DHX8: variants seen among roughly 807,000 people sequenced by gnomAD.
DHX8 encodes the protein DEAH-box helicase 8.
In DHX8, 67 loss-of-function variants were observed where a neutral mutation model predicts 140.7. That is an observed-to-expected ratio of 0.48 (90% CI 0.39 to 0.58). The LOEUF is 0.58. DHX8 is among the 20% of genes least tolerant of loss of function. DHX8 has a pLI of 0.00. For missense variants in DHX8, 887 were observed against 1,550.7 expected (o/e 0.57, Z 7.19); for synonymous variants, 533 against 553.2 (o/e 0.96, Z 0.51).
intron 12 of DHX8, among the ~76,000 whole-genome samples, chr17:43,506,445 C>A (rs923220605): frequency 6.6e-6 from 1 of 151,738 alleles, no homozygotes; most frequent in African/African-American, 2.4e-5. Flanking sequence ...ATGGTGAAAC[C>A]CTGTCTCTAC....
Position 43,484,073 on chromosome 17 carries a change from C to A in DHX8, c.36C>A (p.Ile12=). 6.2e-7 allele frequency: 1 copy of A among 1,614,136 alleles called. No homozygotes were observed. The highest frequency in any genetic ancestry group is 8.5e-7 in the Non-Finnish European group (1 of 1,180,022). The change falls in exon 1 of 23, where the codon ATC becomes ATA. Residue 12 remains isoleucine (I), a synonymous_variant. Coordinates refer to ENST00000262415, the MANE Select transcript of DHX8 (RefSeq NM_004941.3). ...AVAVAMAGAL[I]GSEPGPAEEL... ...CTGTAGCCATGGCGGGAGCCTTAATCGGGTCGGAGCCAGGCCCCGCGGAAG... is the reference window on the plus strand; with the variant it reads ...CTGTAGCCATGGCGGGAGCCTTAATAGGGTCGGAGCCAGGCCCCGCGGAAG...
chr17:43,521,297 T>C, intron 20 of DHX8, 72 bp from the exon 21 acceptor site: 1 of 1,288,136 alleles, frequency 7.8e-7, no homozygotes, highest in Non-Finnish European at 1.1e-6. Context: ...CTTGTAGGGC[T>C]CCCTAGAATT....
chr17:43,493,627 C>G, intron 7 of DHX8, 38 bp downstream of exon 7: 3 of 1,614,060 alleles, frequency 1.9e-6, no homozygotes, highest in Non-Finnish European at 2.5e-6. Flanking sequence ...CATGTGATGG[C>G]CAAGGGAATG....
chr17:43,521,129 A>G (rs1171640410), intron 20 of DHX8, among the ~76,000 whole-genome samples: 1 of 151,698 alleles, frequency 6.6e-6, no homozygotes, highest in Non-Finnish European at 1.5e-5. Context: ...TGTGCTGCTA[A>G]TTTTTGTATT....
intron 10 of DHX8, among the ~76,000 whole-genome samples, chr17:43,499,306 CATAGAA>C (rs1331631192): frequency 2.0e-5 from 3 of 152,138 alleles, no homozygotes; most frequent in African/African-American, 7.2e-5. Context: ...GGCTGGCCAC[CATAGAA>C]AGCTGTAGCA....
intron 3 of DHX8, among the ~76,000 whole-genome samples, chr17:43,543,355 A>G (rs1971629240): frequency 6.6e-6 from 1 of 151,568 alleles, no homozygotes; most frequent in South Asian, 2.1e-4. Context: ...TACCCTCTCC[A>G]GACCCCTGGC....
chr17:43,496,231 A>G lies in DHX8; in HGVS notation c.1263A>G (p.Glu421=), dbSNP rs1171855081. ...AAGAAGAATTTCCAGACTTTGATGA[A>G]GAGACTGGCATTCTCCCTAAGGTGG... ...LSKEEFPDFD[E]ETGILPKVDD... Residue 421 remains glutamate (E), a synonymous_variant, in exon 9 of 23, where the codon GAA becomes GAG. Transcript: ENST00000262415. 1 of 1,614,046 alleles carries G rather than the reference A, an allele frequency of 6.2e-7. No individual in the cohort carries two copies. Among genetic ancestry groups the G allele is most frequent in the East Asian group, 2.2e-5 (1 of 44,884 alleles).
At chr17:43,515,564 A>G (rs1274601805) in intron 17 of DHX8, among the ~76,000 whole-genome samples, 2 of 152,154 alleles carry the variant, frequency 1.3e-5, no homozygotes, top group Non-Finnish European at 2.9e-5. Flanking sequence ...CATTGATCCT[A>G]TGTGGTAGAT....
At chr17:43,494,137 G>A (rs1968703817) in intron 8 of DHX8, among the ~76,000 whole-genome samples, 1 of 152,184 alleles carries the variant, frequency 6.6e-6, no homozygotes, top group South Asian at 2.1e-4. Context: ...TCACATGGCA[G>A]TAGACAAGAG....
chr17:43,496,072 TG>T, intron 8 of DHX8, 108 bp from the exon 9 acceptor site: 1 of 778,348 alleles, frequency 1.3e-6, no homozygotes, highest in Non-Finnish European at 2.1e-6. Flanking sequence ...CACTTCAGCC[TG>T]GGTGACAGAG....
chr17:43,529,288 A>C (rs531334240), downstream of DHX8: 33 of 1,575,512 alleles, frequency 2.1e-5, no homozygotes, highest in East Asian at 6.9e-4. Context: ...AGAGGAAAAA[A>C]TGGGGGTAAG....
intron 3 of DHX8, among the ~76,000 whole-genome samples, chr17:43,538,050 A>C (rs998526799): frequency 1.5e-4 from 22 of 151,504 alleles, no homozygotes; most frequent in African/African-American, 5.3e-4. Context: ...CTGAGGCAAG[A>C]GAATGGCGTG....
chr17:43,540,885 T>C (rs2154587240), intron 3 of DHX8, among the ~76,000 whole-genome samples: 1 of 152,204 alleles, frequency 6.6e-6, no homozygotes, highest in South Asian at 2.1e-4. Context: ...GGTGCAGAAC[T>C]CAGGGGTGGC....
intron 16 of DHX8, among the ~76,000 whole-genome samples, chr17:43,512,602 A>G (rs1969904414): frequency 6.6e-6 from 1 of 152,144 alleles, no homozygotes; most frequent in South Asian, 2.1e-4. Flanking sequence ...CCCCTATTCT[A>G]TTCCTAATAA....
rs202172821 is a variant in DHX8 at position 43,489,522 on chromosome 17, T to C, written c.222T>C (p.Gly74=). Residue 74 remains glycine, a synonymous_variant, in exon 2 of 23, where the codon GGT becomes GGC. Coordinates refer to ENST00000262415, the MANE Select transcript of DHX8 (RefSeq NM_004941.3). The part of the protein sequence containing the change: ...DTFKASLVKN[G]AEFTDSLISN... ...TTAAGGCTTCTCTCGTCAAAAATGG[T>C]GCAGAATTTACGGTATGTATATGTG... 62 of 1,607,894 alleles carry C rather than the reference T, an allele frequency of 3.9e-5. No homozygotes were observed. The African/African-American group carries it at 7.9e-4, about 20-fold the overall frequency.
At chr17:43,493,226 A>T (rs900206063) in intron 6 of DHX8, among the ~76,000 whole-genome samples, 186 bp downstream of exon 6, 5 of 152,196 alleles carry the variant, frequency 3.3e-5, no homozygotes, top group African/African-American at 4.8e-5. Context: ...TGTCTTCAGG[A>T]GATCTGTCCT....
intron 11 of DHX8, among the ~76,000 whole-genome samples, chr17:43,503,196 C>T (rs995326704): frequency 6.6e-6 from 1 of 151,774 alleles, no homozygotes; most frequent in African/African-American, 2.4e-5. Flanking sequence ...AACCCTGTCT[C>T]TAAAAAAATA....
At chr17:43,484,990 T>C (rs1410798281) in intron 1 of DHX8, among the ~76,000 whole-genome samples, 1 of 152,150 alleles carries the variant, frequency 6.6e-6, no homozygotes, top group South Asian at 2.1e-4. Context: ...AAACTACATC[T>C]GGGGAGCCGA....
intron 2 of DHX8, chr17:43,532,965 A>G (rs1475222561): frequency 6.5e-7 from 1 of 1,537,924 alleles, no homozygotes; most frequent in Non-Finnish European, 8.7e-7. Flanking sequence ...TGGAGAAGGA[A>G]GAGAAGAGAA....
Sources: allele counts gnomAD v4.1 joint callset (sites outside exome capture counted in the v4.1 genomes callset), GRCh38; gene constraint gnomAD v4.1.1; transcripts MANE v1.5; gene names NCBI Gene and HGNC (gene_info 2026-07-23, HGNC 2026-07-21).